The following SLC44A3 variants were observed in gnomAD, a reference collection of about 807,000 sequenced individuals.
SLC44A3 encodes solute carrier family 44 member 3.
Under a neutral mutation model 75.4 loss-of-function variants are expected in SLC44A3, and 74 were observed. The ratio of observed to expected loss-of-function variants is 0.98; its 90% CI spans 0.81 to 1.19. The LOEUF is 1.19. SLC44A3 is among the 50% of genes most tolerant of loss of function. SLC44A3 has a pLI of 0.00. For missense variants in SLC44A3, 700 were observed against 778.6 expected (o/e 0.90, Z 1.20); for synonymous variants, 310 against 296.9 (o/e 1.04, Z -0.45).
In SLC44A3 at chr1:94,895,014, A is replaced by G. The variant is rs759146228; in HGVS notation, c.*92A>G. On this transcript the variant is annotated 3_prime_UTR_variant, in exon 15 of 15. Transcript: ENST00000271227. ...GAGACCACTAGAGAAAAGTTAGTGA[A>G]TTTTTTTTTAAAAGACCTAATAAAC... The G allele has an allele frequency of 1.0e-5, 10 of 979,066 alleles. No homozygotes were observed. Among genetic ancestry groups the G allele is most frequent in the Non-Finnish European group, 1.5e-5 (10 of 665,772 alleles). 60.6% of individuals were successfully genotyped at this position (979,066 alleles called of 1,614,324 possible).
chr1:94,834,238 T>G (rs2100999555), intron 5 of SLC44A3, among the ~76,000 whole-genome samples: 1 of 152,118 alleles, frequency 6.6e-6, no homozygotes, highest in South Asian at 2.1e-4. Flanking sequence ...GTTCTAGGAC[T>G]TGGATAAGGA....
intron 9 of SLC44A3, among the ~76,000 whole-genome samples, chr1:94,849,225 A>G (rs1332022617): frequency 6.6e-6 from 1 of 152,176 alleles, no homozygotes; most frequent in Non-Finnish European, 1.5e-5. Flanking sequence ...TAGTGCAAGC[A>G]GCAAACAGCG....
intron 5 of SLC44A3, among the ~76,000 whole-genome samples, chr1:94,828,851 G>A (rs963889286): frequency 2.6e-5 from 4 of 152,170 alleles, no homozygotes; most frequent in Admixed American, 6.5e-5. Flanking sequence ...GAACACTAGA[G>A]CTAGCAAGAA....
rs943985846 is a variant in SLC44A3 at position 94,892,275 on chromosome 1, G to A, written c.1621-6G>A. ...AAGATTTTCAACAAACTCTTCTTTT[G>A]CACAGGTGTTAGTGGTGTGTTTCAC... On this transcript the variant is annotated splice_polypyrimidine_tract_variant and splice_region_variant and intron_variant, in intron 13 of 14. Coordinates refer to ENST00000271227, the MANE Select transcript of SLC44A3 (RefSeq NM_001114106.3). The A allele has an allele frequency of 3.1e-5, 50 of 1,606,378 alleles. No homozygotes were observed. Among genetic ancestry groups the A allele is most frequent in the Non-Finnish European group, 4.2e-5 (50 of 1,177,374 alleles).
chr1:94,844,198 A>C (rs1049267532), intron 8 of SLC44A3, among the ~76,000 whole-genome samples: 4 of 152,218 alleles, frequency 2.6e-5, no homozygotes, highest in Admixed American at 1.3e-4. Flanking sequence ...GGGGAACCTA[A>C]CTTACTCTTG....
chr1:94,880,294 A>C (rs374643741), intron 12 of SLC44A3, among the ~76,000 whole-genome samples: 15 of 152,332 alleles, frequency 9.8e-5, no homozygotes, highest in African/African-American at 3.1e-4. Context: ...AGATGAATGG[A>C]TAAAGAAAAT....
At chr1:94,892,189 C>A in intron 13 of SLC44A3, 92 bp from the exon 14 acceptor site, 3 of 1,169,144 alleles carry the variant, frequency 2.6e-6, no homozygotes, top group Non-Finnish European at 3.7e-6. Flanking sequence ...ACGTTGCACA[C>A]AGGAACGTAT....
intron 5 of SLC44A3, among the ~76,000 whole-genome samples, chr1:94,832,038 G>C (rs1662200601): frequency 6.6e-6 from 1 of 151,910 alleles, no homozygotes; most frequent in African/African-American, 2.4e-5. Flanking sequence ...GTGATGGCAG[G>C]CGCCTGTAAT....
At chr1:94,877,512 AAG>A (rs1668422480) in intron 12 of SLC44A3, among the ~76,000 whole-genome samples, 1 of 152,146 alleles carries the variant, frequency 6.6e-6, no homozygotes, top group Admixed American at 6.5e-5. Flanking sequence ...AACAGAAGCA[AAG>A]AGAGCAAAGT....
At chr1:94,856,003 G>C (rs1665824464) in intron 9 of SLC44A3, among the ~76,000 whole-genome samples, 1 of 152,148 alleles carries the variant, frequency 6.6e-6, no homozygotes, top group Non-Finnish European at 1.5e-5. Context: ...TTTACCAGTG[G>C]ATTTACCAGC....
intron 12 of SLC44A3, among the ~76,000 whole-genome samples, chr1:94,868,678 T>C (rs966955282): frequency 2.0e-5 from 3 of 152,274 alleles, no homozygotes; most frequent in African/African-American, 7.2e-5. Context: ...ATGTATTAAC[T>C]ATGATAAAAT....
intron 12 of SLC44A3, among the ~76,000 whole-genome samples, chr1:94,871,927 A>G (rs572596578): frequency 5.3e-5 from 8 of 152,214 alleles, no homozygotes; most frequent in Non-Finnish European, 1.0e-4. Flanking sequence ...CTGCCGAGGC[A>G]ATGCCTGGTG....
At chr1:94,852,012 G>T (rs1403924887) in intron 9 of SLC44A3, among the ~76,000 whole-genome samples, 1 of 152,150 alleles carries the variant, frequency 6.6e-6, no homozygotes, top group African/African-American at 2.4e-5. Flanking sequence ...TTATTTTGAT[G>T]CTCTCAAGGA....
intron 9 of SLC44A3, among the ~76,000 whole-genome samples, chr1:94,849,352 C>G (rs896334632): frequency 2.0e-5 from 3 of 152,164 alleles, no homozygotes. Flanking sequence ...CCACCACCCC[C>G]CTTCCCCACC....
intron 13 of SLC44A3, among the ~76,000 whole-genome samples, chr1:94,891,649 A>G (rs1332109201): frequency 1.3e-5 from 2 of 152,172 alleles, no homozygotes; most frequent in Non-Finnish European, 2.9e-5. Flanking sequence ...TGGACTGGGC[A>G]CAGTGGCTCA....
chr1:94,852,074 G>A (rs1461589527), intron 9 of SLC44A3, among the ~76,000 whole-genome samples: 1 of 152,162 alleles, frequency 6.6e-6, no homozygotes, highest in African/African-American at 2.4e-5. Context: ...TATTACTTGA[G>A]GAAGATATAT....
At chr1:94,840,079 G>A (rs1663379327) in intron 7 of SLC44A3, 42 bp downstream of exon 7, 6 of 1,541,126 alleles carry the variant, frequency 3.9e-6, no homozygotes, top group Non-Finnish European at 5.4e-6. Context: ...TCGATTAAAT[G>A]AAAAGCCTTT....
chr1:94,872,693 C>T (rs1450940531), intron 12 of SLC44A3, among the ~76,000 whole-genome samples: 2 of 152,188 alleles, frequency 1.3e-5, no homozygotes, highest in African/African-American at 4.8e-5. Context: ...TTCAGTGACC[C>T]CCAAGGTTCT....
At chr1:94,820,887 C>A in intron 1 of SLC44A3, 62 bp from the exon 2 acceptor site, 1 of 1,454,132 alleles carries the variant, frequency 6.9e-7, no homozygotes, top group South Asian at 1.3e-5. Flanking sequence ...GATTTGGGTT[C>A]GGTTTCCAGG....
Sources: gnomAD v4.1 joint callset for allele counts (sites outside exome capture counted in the v4.1 genomes callset) on GRCh38, gnomAD v4.1.1 for gene constraint, MANE v1.5 for transcripts, NCBI Gene and HGNC (gene_info 2026-07-23, HGNC 2026-07-21) for gene names.